SPATC1L: variants seen among roughly 807,000 people sequenced by gnomAD.
SPATC1L encodes spermatogenesis and centriole associated 1 like, also known as speriolin-like protein.
A neutral mutation model predicts 21.2 loss-of-function variants in SPATC1L; 20 were observed. The observed-to-expected ratio is 0.94, with a 90% CI of 0.66 to 1.37. The LOEUF is 1.37. SPATC1L is among the 40% of genes most tolerant of loss of function. SPATC1L has a pLI of 0.00. For synonymous variants in SPATC1L, 290 were observed against 234.5 expected, an observed-to-expected ratio of 1.24 and a Z score of -2.16; for missense variants, 499 against 478.7, an observed-to-expected ratio of 1.04 and a Z score of -0.40.
chr21:46,178,252 A>C lies in SPATC1L; in HGVS notation c.193+4372T>G, dbSNP rs1400656147. Among the ~76,000 whole-genome samples, 234 of 151,344 alleles carry C rather than the reference A, an allele frequency of 1.5e-3. 2 individuals carry two copies. Among genetic ancestry groups the C allele is most frequent in the African/African-American group, 5.2e-3 (216 of 41,220 alleles). ...CATCTCAAAAAAAAAAAAAAAAAAA[A>C]AAAACCAGAATGAGATCATATCCTT... On this transcript the variant is annotated intron_variant, in intron 2 of 4. Transcript: ENST00000291672.
chr21:46,171,868 T>C (rs2839134), intron 2 of SPATC1L, among the ~76,000 whole-genome samples: 40,681 of 140,794 alleles, frequency 0.29, 6,766 homozygotes, highest in African/African-American at 0.48. Flanking sequence ...TAGAACAGGT[T>C]AAAAGATGCT....
chr21:46,172,473 T>C (rs2079601150), intron 2 of SPATC1L, among the ~76,000 whole-genome samples: 1 of 152,178 alleles, frequency 6.6e-6, no homozygotes, highest in Admixed American at 6.5e-5. Flanking sequence ...TTTCCAAAAA[T>C]AAGAACAGGA....
intron 3 of SPATC1L, among the ~76,000 whole-genome samples, chr21:46,165,616 A>G (rs1463046498): frequency 6.8e-6 from 1 of 147,714 alleles, no homozygotes; most frequent in African/African-American, 2.5e-5. Context: ...CCTTCTGACT[A>G]GAAAAGGACA....
chr21:46,168,780 T>G (rs538630265), intron 2 of SPATC1L, 122 bp from the exon 3 acceptor site: 44 of 550,734 alleles, frequency 8.0e-5, no homozygotes, highest in African/African-American at 7.4e-4. Flanking sequence ...CCTGCCGGGG[T>G]TTCCCTGGCT....
At position 46,161,624 on chromosome 21, in the gene SPATC1L, G is replaced by A. The variant is rs569907908; in HGVS notation, c.778C>T (p.Arg260Cys). The A allele has an allele frequency of 1.6e-5, 25 of 1,610,316 alleles. No homozygotes were observed. The highest frequency in any genetic ancestry group is 4.5e-5 in the East Asian group (2 of 44,798). ...LTQRYLALSA[R>C]LEKLGYSRDV... Reference sequence around the variant, plus strand: ...CGGCTGTAGCCCAGCTTCTCCAGGCGCGCGCTCAGGGCCAGGTAGCGCTGC... The same window carrying A: ...CGGCTGTAGCCCAGCTTCTCCAGGCACGCGCTCAGGGCCAGGTAGCGCTGC... The change falls in exon 5 of 5, where the codon CGC becomes TGC. Residue 260 changes from arginine to cysteine, a missense_variant. Arg to Cys is a radical substitution (Grantham distance 180). Transcript: ENST00000291672.
At chr21:46,178,590 A>T (rs1040905535) in intron 2 of SPATC1L, among the ~76,000 whole-genome samples, 41 of 152,208 alleles carry the variant, frequency 2.7e-4, no homozygotes, top group Admixed American at 1.0e-3. Flanking sequence ...AAAGTTTTTT[A>T]AAAAAGAAAT....
intron 3 of SPATC1L, among the ~76,000 whole-genome samples, chr21:46,167,943 A>G (rs185721519): frequency 4.6e-5 from 7 of 152,342 alleles, no homozygotes; most frequent in Admixed American, 4.6e-4. Context: ...AGAAAAATCA[A>G]TAAATTGGAC....
chr21:46,174,135 C>T (rs1019637487), intron 2 of SPATC1L, among the ~76,000 whole-genome samples: 2 of 152,004 alleles, frequency 1.3e-5, no homozygotes, highest in Admixed American at 6.6e-5. Flanking sequence ...CAAGACCAGC[C>T]TGGCCAACAT....
At position 46,183,499 on chromosome 21, in the gene SPATC1L, A is replaced by AGACCAGCTTGCGGGGGAGACCAGCCTGCG. The variant is rs1569006990; in HGVS notation, c.-684_-683insCGCAGGCTGGTCTCCCCCGCAAGCTGGTC. Reference sequence around the variant, plus strand: ...CAGCCTGGGGAGGAGACCAGCCTGCAGGGGAGACCAGCTTGCGGGGGAGAC... The same window carrying AGACCAGCTTGCGGGGGAGACCAGCCTGCG: ...CAGCCTGGGGAGGAGACCAGCCTGCAGACCAGCTTGCGGGGGAGACCAGCCTGCGGGGGAGACCAGCTTGCGGGGGAGAC... On this transcript the variant is annotated 5_prime_UTR_variant, in exon 2 of 5. Coordinates refer to ENST00000291672, the MANE Select transcript of SPATC1L (RefSeq NM_001142854.2). 3 of 106,606 alleles carry AGACCAGCTTGCGGGGGAGACCAGCCTGCG rather than the reference A, an allele frequency of 2.8e-5. 1 individual carries two copies. Among genetic ancestry groups the AGACCAGCTTGCGGGGGAGACCAGCCTGCG allele is most frequent in the African/African-American group, 1.0e-4 (3 of 29,216 alleles). The allele number at this position is 106,606 out of a possible 1,614,324, so 6.6% of individuals were successfully genotyped here. A position where few individuals can be genotyped will look rare whatever the true frequency, so the allele number is the denominator to read the frequency against.
Position 46,183,550 on chromosome 21 carries a change from GCGGGGAGATCAGCCTGGGGGA to G in SPATC1L, c.-755_-735del, listed in dbSNP as rs2079698004. On this transcript the variant is annotated 5_prime_UTR_variant, in exon 2 of 5. Transcript: ENST00000291672. ...CAGCCTGCGGGGGAGACCAGCCTGG[GCGGGGAGATCAGCCTGGGGGA>G]GGAGACCAGCCTGGTGAGGAGACCA... The G allele has an allele frequency of 7.8e-6, 1 of 128,454 alleles. No individual in the cohort carries two copies. Among genetic ancestry groups the G allele is most frequent in the Admixed American group, 7.3e-5 (1 of 13,630 alleles). The allele number at this position is 128,454 out of a possible 1,614,324, so 8.0% of individuals were successfully genotyped here.
intron 3 of SPATC1L, among the ~76,000 whole-genome samples, chr21:46,163,593 G>T (rs565528244): frequency 1.2e-4 from 18 of 152,268 alleles, no homozygotes; most frequent in African/African-American, 4.3e-4. Context: ...AGCACCACGC[G>T]TTAGACAGTA....
In SPATC1L at chr21:46,172,119, G is replaced by A. The variant is rs2330400; in HGVS notation, c.194-3461C>T. 2.0e-4 allele frequency among the ~76,000 whole-genome samples: 9 copies of A among 44,844 alleles called. 1 individual carries two copies. The highest frequency in any genetic ancestry group is 9.3e-4 in the Admixed American group (3 of 3,220). The allele number at this position is 44,844 out of a possible 152,430, so 29.4% of individuals were successfully genotyped here. A position where few individuals can be genotyped will look rare whatever the true frequency, so the allele number is the denominator to read the frequency against. ...GAGGCAGGAGTGCAGAGCATGAGGC[G>A]GGGGATGCACAGAGTGTGAGGTGGG... On this transcript the variant is annotated intron_variant, in intron 2 of 4. Transcript: ENST00000291672.
At chr21:46,162,182 C>G in intron 3 of SPATC1L, 115 bp from the exon 4 acceptor site, 1 of 1,181,434 alleles carries the variant, frequency 8.5e-7, no homozygotes, top group Non-Finnish European at 1.2e-6. Context: ...CCACCTGCCG[C>G]CACCCCCCAC....
At chr21:46,171,774 G>A (rs933135044) in intron 2 of SPATC1L, among the ~76,000 whole-genome samples, 10 of 152,092 alleles carry the variant, frequency 6.6e-5, no homozygotes, top group African/African-American at 2.2e-4. Context: ...CCAGAGGGCT[G>A]CAGGCCTGGA....
At chr21:46,162,590 C>CTTTTTTTTTTTT (rs3057184) in intron 3 of SPATC1L, among the ~76,000 whole-genome samples, 5 of 133,410 alleles carry the variant, frequency 3.7e-5, no homozygotes, top group African/African-American at 8.9e-5. Context: ...GTTGGCAGGA[C>CTTTTTTTTTTTT]TTTTTTTTTT....
At chr21:46,174,332 C>CAA (rs66721282) in intron 2 of SPATC1L, among the ~76,000 whole-genome samples, 12 of 34,222 alleles carry the variant, frequency 3.5e-4, no homozygotes, top group Non-Finnish European at 4.7e-4. Context: ...GACTCTGTCT[C>CAA]AAAAAACAAA....
intron 2 of SPATC1L, among the ~76,000 whole-genome samples, chr21:46,179,897 G>A (rs2079659389): frequency 6.6e-6 from 1 of 152,248 alleles, no homozygotes; most frequent in Non-Finnish European, 1.5e-5. Context: ...AGAAGACCTG[G>A]AGACCTCGCT....
intron 3 of SPATC1L, among the ~76,000 whole-genome samples, chr21:46,163,088 C>A (rs540779649): frequency 5.9e-5 from 9 of 152,310 alleles, no homozygotes; most frequent in African/African-American, 1.9e-4. Flanking sequence ...GTGATTCGAG[C>A]ATCTTTTCAC....
chr21:46,176,933 G>A (rs1008398704), intron 2 of SPATC1L, among the ~76,000 whole-genome samples: 2 of 152,032 alleles, frequency 1.3e-5, no homozygotes, highest in Non-Finnish European at 2.9e-5. Context: ...TCAATAGAAC[G>A]GAACAGAGAA....
Sources: gnomAD v4.1 joint callset for allele counts (sites outside exome capture counted in the v4.1 genomes callset) on GRCh38, gnomAD v4.1.1 for gene constraint, MANE v1.5 for transcripts, NCBI Gene and HGNC (gene_info 2026-07-23, HGNC 2026-07-21) for gene names.